The following TENM3 variants were observed in gnomAD, a reference collection of about 807,000 sequenced individuals.
TENM3 encodes the protein teneurin transmembrane protein 3.
In TENM3, 63 loss-of-function variants were observed where a neutral mutation model predicts 255.1. The ratio of observed to expected loss-of-function variants is 0.25; its 90% CI spans 0.20 to 0.30. The LOEUF (loss-of-function observed/expected upper bound fraction) is 0.30. TENM3 is among the 10% of genes least tolerant of loss of function. The pLI is 1.00. For synonymous variants in TENM3, 1,306 were observed against 1,322.3 expected, an observed-to-expected ratio of 0.99 and a Z score of 0.27; for missense variants, 2,929 against 3,461.1, an observed-to-expected ratio of 0.85 and a Z score of 3.86.
At chr4:182,575,597 T>C (rs1288021829) in intron 3 of TENM3, among the ~76,000 whole-genome samples, 3 of 152,206 alleles carry the variant, frequency 2.0e-5, no homozygotes, top group Non-Finnish European at 2.9e-5. Flanking sequence ...TAATTATATA[T>C]TTATGGTGTT....
intron 1 of TENM3, 106 bp from the exon 2 acceptor site, chr4:182,323,840 T>C: frequency 1.7e-6 from 1 of 597,978 alleles, no homozygotes; most frequent in Non-Finnish European, 3.0e-6. Flanking sequence ...GTTTCCTAGA[T>C]AAGCAATACT....
the TENM3 span, among the ~76,000 whole-genome samples, chr4:181,542,942 G>A: frequency 1.1e-4 from 17 of 152,082 alleles, no homozygotes; most frequent in South Asian, 8.3e-4. Flanking sequence ...CTTACCCATC[G>A]TATTATTTCC....
chr4:182,025,250 G>T, the TENM3 span, among the ~76,000 whole-genome samples: 2 of 151,940 alleles, frequency 1.3e-5, no homozygotes, highest in Admixed American at 6.5e-5. Context: ...AGATGGTCTC[G>T]ATCTCCTGAC....
the TENM3 span, among the ~76,000 whole-genome samples, chr4:182,005,379 A>G: frequency 3.3e-5 from 5 of 152,148 alleles, no homozygotes; most frequent in Non-Finnish European, 5.9e-5. Context: ...AGATGGTTGT[A>G]GATGTGTGGT....
the TENM3 span, among the ~76,000 whole-genome samples, chr4:181,464,440 A>G: frequency 6.6e-6 from 1 of 152,082 alleles, no homozygotes; most frequent in South Asian, 2.1e-4. Context: ...GATCATGTGT[A>G]TATCTTCTTT....
chr4:181,824,841 A>G, the TENM3 span, among the ~76,000 whole-genome samples: 2 of 152,206 alleles, frequency 1.3e-5, no homozygotes, highest in African/African-American at 4.8e-5. Context: ...CCTGGTGGAA[A>G]GTAGATTGCT....
intron 24 of TENM3, among the ~76,000 whole-genome samples, chr4:182,780,950 T>A (rs1579480530): frequency 6.6e-6 from 1 of 151,268 alleles, no homozygotes; most frequent in African/African-American, 2.5e-5. Flanking sequence ...CTTAAGGAGA[T>A]TTTGGGCTGA....
intron 20 of TENM3, among the ~76,000 whole-genome samples, chr4:182,752,942 A>ATTTTTTTT (rs750171665): frequency 2.5e-5 from 3 of 121,724 alleles, no homozygotes; most frequent in African/African-American, 3.1e-5. Context: ...TCCTTACTGA[A>ATTTTTTTT]TTTTTTTTTT....
At chr4:181,466,872 C>T in the TENM3 span, among the ~76,000 whole-genome samples, 6,502 of 151,652 alleles carry the variant, frequency 0.043, 449 homozygotes, top group African/African-American at 0.14. Flanking sequence ...AACATTAACA[C>T]AGTACTTCTA....
At chr4:181,874,383 C>T in the TENM3 span, 1 of 152,202 alleles carries the variant, frequency 6.6e-6, no homozygotes, top group African/African-American at 2.4e-5. Flanking sequence ...CTTCTGTCGA[C>T]ATTTGCTTCA....
chr4:182,448,539 G>A (rs1319540918), intron 3 of TENM3, among the ~76,000 whole-genome samples: 1 of 152,222 alleles, frequency 6.6e-6, no homozygotes, highest in Non-Finnish European at 1.5e-5. Context: ...CCGTTCATGG[G>A]TTGGGAGAGA....
chr4:181,852,660 A>G, the TENM3 span, among the ~76,000 whole-genome samples: 1 of 152,226 alleles, frequency 6.6e-6, no homozygotes, highest in Non-Finnish European at 1.5e-5. Context: ...GGTAATGTCT[A>G]CATTAGAAGA....
chr4:181,610,061 C>T, the TENM3 span, among the ~76,000 whole-genome samples: 1 of 152,116 alleles, frequency 6.6e-6, no homozygotes, highest in African/African-American at 2.4e-5. Flanking sequence ...ACAGAGTTTG[C>T]AATTTATTAG....
intron 13 of TENM3, among the ~76,000 whole-genome samples, chr4:182,728,006 A>G (rs1443059839): frequency 2.0e-5 from 3 of 151,754 alleles, no homozygotes; most frequent in Non-Finnish European, 4.4e-5. Context: ...GACAACAGGC[A>G]CCTGTCACCC....
At chr4:182,278,849 A>C (rs1237003679) in intron 1 of TENM3, among the ~76,000 whole-genome samples, 1 of 152,166 alleles carries the variant, frequency 6.6e-6, no homozygotes, top group Non-Finnish European at 1.5e-5. Context: ...CAAGAGATTT[A>C]AGACAAAACC....
chr4:181,776,535 A>G, the TENM3 span, among the ~76,000 whole-genome samples: 5 of 152,174 alleles, frequency 3.3e-5, no homozygotes, highest in East Asian at 7.7e-4. Context: ...ATTCCCACCA[A>G]CAGTGTATAA....
the TENM3 span, among the ~76,000 whole-genome samples, chr4:182,059,035 A>G: frequency 1.5e-4 from 22 of 150,708 alleles, no homozygotes; most frequent in South Asian, 4.2e-3. Context: ...TGTATCCAGG[A>G]TCAGATGCCC....
the TENM3 span, among the ~76,000 whole-genome samples, chr4:181,586,831 C>G: frequency 5.3e-5 from 8 of 151,690 alleles, no homozygotes; most frequent in African/African-American, 1.7e-4. Flanking sequence ...CAGATTGAGA[C>G]TCTGTCTCAA....
At chr4:182,122,063 G>T in the TENM3 span, among the ~76,000 whole-genome samples, 1 of 152,290 alleles carries the variant, frequency 6.6e-6, no homozygotes, top group Non-Finnish European at 1.5e-5. Context: ...CACTTTCTTT[G>T]CTCTTCCATA....
Sources: allele counts gnomAD v4.1 joint callset (sites outside exome capture counted in the v4.1 genomes callset), GRCh38; gene constraint gnomAD v4.1.1; transcripts MANE v1.5; gene names NCBI Gene and HGNC (gene_info 2026-07-23, HGNC 2026-07-21).